Variants in AKAP6 observed in about 807,000 individuals in gnomAD.
AKAP6 encodes A-kinase anchoring protein 6.
Under a neutral mutation model 188.5 loss-of-function variants are expected in AKAP6, and 58 were observed. The ratio of observed to expected loss-of-function variants is 0.31; its 90% CI spans 0.25 to 0.38. The LOEUF is 0.38. Among genes scored for constraint, AKAP6 ranks in the 10% least tolerant of loss-of-function variants. AKAP6 has a pLI of 1.00. For synonymous variants in AKAP6, 989 were observed against 998.6 expected, an observed-to-expected ratio of 0.99 and a Z score of 0.18; for missense variants, 2,710 against 2,740.0, an observed-to-expected ratio of 0.99 and a Z score of 0.24.
intron 2 of AKAP6, among the ~76,000 whole-genome samples, chr14:32,490,183 G>A (rs887731865): frequency 6.6e-6 from 1 of 150,610 alleles, no homozygotes; most frequent in Non-Finnish European, 1.5e-5. Context: ...AATGTCATCA[G>A]TTAAGGCTAT....
At chr14:32,625,960 A>G (rs575999189) in intron 7 of AKAP6, among the ~76,000 whole-genome samples, 25 of 152,280 alleles carry the variant, frequency 1.6e-4, no homozygotes, top group African/African-American at 5.1e-4. Flanking sequence ...GAAGCCCATT[A>G]TAGTGGCAAA....
intron 12 of AKAP6, among the ~76,000 whole-genome samples, chr14:32,787,501 A>ATTTC (rs759347800): frequency 2.5e-4 from 37 of 150,544 alleles, no homozygotes; most frequent in Non-Finnish European, 4.3e-4. Flanking sequence ...CTGAACAAAA[A>ATTTC]TAGATCTAGA....
intron 2 of AKAP6, among the ~76,000 whole-genome samples, chr14:32,533,364 G>A (rs2139107151): frequency 6.6e-6 from 1 of 152,276 alleles, no homozygotes; most frequent in East Asian, 1.9e-4. Context: ...AAGTGCCAAA[G>A]TGGCTAAAAG....
At chr14:32,449,916 G>A (rs1159406600) in intron 2 of AKAP6, among the ~76,000 whole-genome samples, 1 of 152,164 alleles carries the variant, frequency 6.6e-6, no homozygotes, top group Non-Finnish European at 1.5e-5. Context: ...CCTCTTTAGT[G>A]TCAGCCAGCT....
intron 2 of AKAP6, among the ~76,000 whole-genome samples, chr14:32,461,044 T>G (rs1214858065): frequency 6.6e-6 from 1 of 152,218 alleles, no homozygotes; most frequent in East Asian, 1.9e-4. Context: ...AGGGCATCTC[T>G]GAAGGTAACA....
chr14:32,517,459 G>T (rs1881582976), intron 2 of AKAP6, among the ~76,000 whole-genome samples: 1 of 152,160 alleles, frequency 6.6e-6, no homozygotes, highest in Admixed American at 6.5e-5. Context: ...AGCCTATGGA[G>T]TGTGAGCCAA....
At chr14:32,450,323 TGAGA>T (rs752360654) in intron 2 of AKAP6, among the ~76,000 whole-genome samples, 6 of 151,054 alleles carry the variant, frequency 4.0e-5, no homozygotes, top group Admixed American at 2.6e-4. Context: ...TGTGTGTGTG[TGAGA>T]GAGAGAGAGA....
At chr14:32,516,278 C>T (rs986502232) in intron 2 of AKAP6, among the ~76,000 whole-genome samples, 3 of 152,194 alleles carry the variant, frequency 2.0e-5, no homozygotes, top group Non-Finnish European at 4.4e-5. Flanking sequence ...AATTAATGAT[C>T]ACGTGTTTTT....
intron 3 of AKAP6, among the ~76,000 whole-genome samples, chr14:32,538,129 T>C (rs1190453182): frequency 6.6e-6 from 1 of 152,250 alleles, no homozygotes; most frequent in African/African-American, 2.4e-5. Flanking sequence ...CCATACTTCC[T>C]GAAATTAGAT....
At chr14:32,814,606 G>A (rs374380408) in intron 12 of AKAP6, among the ~76,000 whole-genome samples, 16 of 152,292 alleles carry the variant, frequency 1.1e-4, no homozygotes, top group East Asian at 3.9e-4. Flanking sequence ...GATTTTCCAC[G>A]TGATTTTGCC....
chr14:32,351,814 A>G (rs983450518), intron 1 of AKAP6, among the ~76,000 whole-genome samples: 5 of 152,162 alleles, frequency 3.3e-5, no homozygotes, highest in African/African-American at 1.2e-4. Context: ...ATTTAAAAGC[A>G]TTCCTTTGCT....
chr14:32,377,389 C>T (rs1888191034), intron 1 of AKAP6, among the ~76,000 whole-genome samples: 1 of 152,170 alleles, frequency 6.6e-6, no homozygotes, highest in African/African-American at 2.4e-5. Flanking sequence ...TCAGCCATGT[C>T]CTCTTTTGTT....
chr14:32,702,111 AT>A (rs1890642641), intron 9 of AKAP6, among the ~76,000 whole-genome samples: 8 of 152,108 alleles, frequency 5.3e-5, no homozygotes, highest in Admixed American at 5.2e-4. Context: ...TTTAATGGTA[AT>A]TTTTTACCTC....
At chr14:32,395,282 G>T (rs1248736343) in intron 1 of AKAP6, among the ~76,000 whole-genome samples, 2 of 152,106 alleles carry the variant, frequency 1.3e-5, no homozygotes, top group Non-Finnish European at 1.5e-5. Flanking sequence ...TAGAGAACCT[G>T]CTCTGAATTA....
In AKAP6 at chr14:32,834,974, T is replaced by C. The variant is rs1319208035; in HGVS notation, c.*5169T>C. 1.3e-5 allele frequency: 2 copies of C among 152,206 alleles called. No homozygotes were observed. The highest frequency in any genetic ancestry group is 3.8e-4 in the East Asian group (2 of 5,198). 9.4% of individuals were successfully genotyped at this position (152,206 alleles called of 1,614,324 possible). On this transcript the variant is annotated 3_prime_UTR_variant, in exon 14 of 14. Transcript: ENST00000280979. ...AGTAGTTAAACAAAAGAATACTTCATGACATGTGAAAATCATATGAAATTT... is the reference window on the plus strand; with the variant it reads ...AGTAGTTAAACAAAAGAATACTTCACGACATGTGAAAATCATATGAAATTT...
At chr14:32,688,140 G>A (rs914758167) in intron 8 of AKAP6, among the ~76,000 whole-genome samples, 1 of 150,746 alleles carries the variant, frequency 6.6e-6, no homozygotes, top group Non-Finnish European at 1.5e-5. Flanking sequence ...AAAATATAGT[G>A]TGTATATATA....
intron 8 of AKAP6, among the ~76,000 whole-genome samples, chr14:32,693,063 G>T (rs1890247869): frequency 6.6e-6 from 1 of 152,122 alleles, no homozygotes; most frequent in African/African-American, 2.4e-5. Context: ...AGCATATAGG[G>T]ATTTACATGA....
intron 1 of AKAP6, among the ~76,000 whole-genome samples, chr14:32,411,883 C>T (rs1268279618): frequency 1.3e-5 from 2 of 150,722 alleles, no homozygotes; most frequent in Non-Finnish European, 2.9e-5. Context: ...TCTGTCTTTA[C>T]CAGAAGTAGA....
chr14:32,398,856 T>TG (rs1165608014), intron 1 of AKAP6, among the ~76,000 whole-genome samples: 85 of 74,930 alleles, frequency 1.1e-3, no homozygotes, highest in African/African-American at 2.1e-3. Context: ...TTTTTTTTTT[T>TG]TTTTTTTTTT....
Sources: allele counts gnomAD v4.1 joint callset (sites outside exome capture counted in the v4.1 genomes callset), GRCh38; gene constraint gnomAD v4.1.1; transcripts MANE v1.5; gene names NCBI Gene and HGNC (gene_info 2026-07-23, HGNC 2026-07-21).